The following SOX5 variants were observed in gnomAD, a reference collection of about 807,000 sequenced individuals.
The protein encoded by SOX5 is transcription factor SOX-5.
In SOX5, 9 loss-of-function variants were observed where a neutral mutation model predicts 92.0. The ratio of observed to expected loss-of-function variants is 0.10; its 90% CI spans 0.06 to 0.17. The LOEUF is 0.17. Among genes scored for constraint, SOX5 ranks in the 10% least tolerant of loss-of-function variants. SOX5 has a pLI of 1.00. For missense variants in SOX5, 642 were observed against 944.5 expected, an observed-to-expected ratio of 0.68 and a Z score of 4.20; for synonymous variants, 344 against 336.3, an observed-to-expected ratio of 1.02 and a Z score of -0.25.
At chr12:23,666,229 G>A (rs945324304) in intron 6 of SOX5, among the ~76,000 whole-genome samples, 1 of 151,706 alleles carries the variant, frequency 6.6e-6, no homozygotes, top group South Asian at 2.1e-4. Flanking sequence ...CAGATTCCCT[G>A]TACAACATTT....
At chr12:24,273,336 A>G (rs1473556955) in intron 3 of SOX5, among the ~76,000 whole-genome samples, 1 of 152,230 alleles carries the variant, frequency 6.6e-6, no homozygotes, top group Non-Finnish European at 1.5e-5. Context: ...TTTGCTTTAT[A>G]GGACGATTTT....
At chr12:24,152,605 G>T (rs1951767984) in intron 4 of SOX5, among the ~76,000 whole-genome samples, 2 of 151,898 alleles carry the variant, frequency 1.3e-5, no homozygotes, top group Admixed American at 6.6e-5. Flanking sequence ...AGCTATACAT[G>T]AATAAAAGTT....
intron 4 of SOX5, among the ~76,000 whole-genome samples, chr12:24,099,467 G>T (rs1224943871): frequency 6.6e-6 from 1 of 152,144 alleles, no homozygotes; most frequent in African/African-American, 2.4e-5. Flanking sequence ...TCGGATGAAG[G>T]AGCTACTTTG....
At chr12:24,395,322 C>A (rs900047651) in intron 1 of SOX5, among the ~76,000 whole-genome samples, 5 of 151,904 alleles carry the variant, frequency 3.3e-5, no homozygotes, top group African/African-American at 4.8e-5. Context: ...TGGTGTAAGC[C>A]TTCTAGAAGG....
At chr12:23,821,459 A>G (rs542335421) in intron 3 of SOX5, among the ~76,000 whole-genome samples, 85 of 152,282 alleles carry the variant, frequency 5.6e-4, no homozygotes, top group African/African-American at 2.0e-3. Context: ...TTCCAACACT[A>G]TGTTGAATAG....
intron 4 of SOX5, among the ~76,000 whole-genome samples, chr12:24,041,513 T>G (rs910707286): frequency 6.6e-6 from 1 of 152,172 alleles, no homozygotes; most frequent in Non-Finnish European, 1.5e-5. Context: ...GCTACAAATT[T>G]ACAATATAAT....
intron 3 of SOX5, among the ~76,000 whole-genome samples, chr12:24,255,440 T>C (rs753761185): frequency 5.9e-5 from 9 of 152,220 alleles, no homozygotes; most frequent in Non-Finnish European, 8.8e-5. Context: ...CTTTAAGTAC[T>C]ACTCTATGGC....
At chr12:23,993,912 T>TATGTATGCATGC (rs1211775257) in intron 4 of SOX5, among the ~76,000 whole-genome samples, 1 of 148,338 alleles carries the variant, frequency 6.7e-6, no homozygotes, top group Non-Finnish European at 1.5e-5. Context: ...TGTATGTATG[T>TATGTATGCATGC]ATGCATGTAT....
At chr12:23,543,103 AAAT>A (rs1942433316) in intron 13 of SOX5, 105 bp downstream of exon 13, 1 of 839,414 alleles carries the variant, frequency 1.2e-6, no homozygotes, top group Non-Finnish European at 1.8e-6. Flanking sequence ...CTGGATAAGC[AAAT>A]AACACGACCT....
chr12:24,325,661 T>C (rs1950609573), intron 2 of SOX5, among the ~76,000 whole-genome samples: 1 of 152,216 alleles, frequency 6.6e-6, no homozygotes, highest in Non-Finnish European at 1.5e-5. Context: ...ATTTACATGA[T>C]AGTGGAAAAG....
intron 10 of SOX5, among the ~76,000 whole-genome samples, chr12:23,565,812 A>G (rs1946972154): frequency 6.6e-6 from 1 of 152,224 alleles, no homozygotes. Context: ...CCATGTATAT[A>G]TGACAACATT....
chr12:23,951,099 A>G (rs1366770187), upstream of SOX5: 6 of 496,856 alleles, frequency 1.2e-5, no homozygotes. Context: ...AGAGAGGAAA[A>G]AAAAGCCTTC....
intron 1 of SOX5, among the ~76,000 whole-genome samples, chr12:24,375,184 A>G (rs1197826060): frequency 1.3e-5 from 2 of 151,432 alleles, no homozygotes; most frequent in South Asian, 2.1e-4. Context: ...CGTGTTAGCC[A>G]GGATGGTCTC....
chr12:23,949,678 A>G, upstream of SOX5: 3 of 1,605,404 alleles, frequency 1.9e-6, no homozygotes, highest in Non-Finnish European at 2.6e-6. Context: ...AGTGAGTCCA[A>G]ACCTTCTAAA....
intron 4 of SOX5, among the ~76,000 whole-genome samples, chr12:24,074,415 T>C (rs1297764162): frequency 6.6e-6 from 1 of 151,968 alleles, no homozygotes; most frequent in African/African-American, 2.4e-5. Context: ...CCTGGATAGG[T>C]ACCAGCAATG....
rs145018985 is a variant in SOX5, at chr12:23,653,461, C to A, written c.931+11983G>T. 8.3e-3 allele frequency among the ~76,000 whole-genome samples: 1,265 copies of A among 152,186 alleles called. 19 individuals are homozygous for A. Among genetic ancestry groups the A allele is most frequent in the Non-Finnish European group, 9.2e-3 (626 of 67,990 alleles). ...AAAGTAATTCCTTTTCCAAAGACTT[C>A]TCTTAAAATATGATGCATATCTGTA... On this transcript the variant is annotated intron_variant, in intron 7 of 14. Coordinates refer to ENST00000451604, the MANE Select transcript of SOX5 (RefSeq NM_006940.6).
chr12:24,224,959 C>T (rs1253532973), intron 3 of SOX5, among the ~76,000 whole-genome samples: 2 of 152,182 alleles, frequency 1.3e-5, no homozygotes, highest in African/African-American at 4.8e-5. Flanking sequence ...ATTCTCCCAT[C>T]TTCTAGTTTT....
chr12:24,356,266 A>T (rs1441885882), intron 2 of SOX5, among the ~76,000 whole-genome samples: 1 of 152,216 alleles, frequency 6.6e-6, no homozygotes, highest in Non-Finnish European at 1.5e-5. Context: ...GGAAGGAAAG[A>T]GAGAGGTGCA....
intron 1 of SOX5, among the ~76,000 whole-genome samples, chr12:23,945,203 G>A (rs1569184015): frequency 6.6e-6 from 1 of 152,110 alleles, no homozygotes; most frequent in Non-Finnish European, 1.5e-5. Context: ...CTCTGTGGAG[G>A]ACTAATGTGC....
Sources: allele counts gnomAD v4.1 joint callset (sites outside exome capture counted in the v4.1 genomes callset), GRCh38; gene constraint gnomAD v4.1.1; transcripts MANE v1.5; gene names NCBI Gene and HGNC (gene_info 2026-07-23, HGNC 2026-07-21).